CACNA1H: variants seen among roughly 807,000 people sequenced by gnomAD.
CACNA1H encodes calcium voltage-gated channel subunit alpha1 H.
A neutral mutation model predicts 192.5 loss-of-function variants in CACNA1H; 149 were observed. That is an observed-to-expected ratio of 0.77 (90% CI 0.68 to 0.89). The LOEUF is 0.89. CACNA1H is among the 40% of genes least tolerant of loss of function. The probability of loss-of-function intolerance (pLI) is 0.00; values close to 1 mark genes in which losing one functional copy is unlikely to be tolerated. For missense variants in CACNA1H, 4,257 were observed against 3,423.5 expected, an observed-to-expected ratio of 1.24 and a Z score of -6.08; for synonymous variants, 2,202 against 1,475.2, an observed-to-expected ratio of 1.49 and a Z score of -11.29.
At chr16:1,205,471 C>T (rs566308471) in intron 11 of CACNA1H, among the ~76,000 whole-genome samples, 45 of 152,200 alleles carry the variant, frequency 3.0e-4, no homozygotes, top group Non-Finnish European at 4.9e-4. Flanking sequence ...CTATGCTTCC[C>T]TGCAGGCACT....
chr16:1,184,566 C>T (rs947954579), intron 2 of CACNA1H, among the ~76,000 whole-genome samples: 8 of 152,280 alleles, frequency 5.3e-5, no homozygotes. Context: ...GCATCCCTGC[C>T]CTCTCGTAGG....
intron 22 of CACNA1H, 32 bp downstream of exon 22, chr16:1,211,326 C>G (rs773753823): frequency 2.0e-5 from 33 of 1,611,960 alleles, no homozygotes; most frequent in Admixed American, 3.3e-5. Flanking sequence ...GGGGGTCTGC[C>G]CCGTCGCAGA....
At chr16:1,170,026 G>T (rs974559201) in intron 2 of CACNA1H, among the ~76,000 whole-genome samples, 1 of 152,212 alleles carries the variant, frequency 6.6e-6, no homozygotes, top group Non-Finnish European at 1.5e-5. Flanking sequence ...CTCAAGTCCC[G>T]GTGGGAAGAG....
intron 2 of CACNA1H, among the ~76,000 whole-genome samples, chr16:1,184,680 C>T (rs992873424): frequency 5.3e-5 from 8 of 152,308 alleles, no homozygotes; most frequent in African/African-American, 1.2e-4. Flanking sequence ...TTCTGCTCAG[C>T]GAGAGTGGAG....
At chr16:1,197,398 C>T (rs1350029398) in intron 5 of CACNA1H, among the ~76,000 whole-genome samples, 1 of 152,222 alleles carries the variant, frequency 6.6e-6, no homozygotes. Flanking sequence ...GCACACACAG[C>T]CCCTTCCTTC....
Position 1,207,254 on chromosome 16 carries a change from AG to A in CACNA1H, c.2908-19del, listed in dbSNP as rs1241141394. On this transcript the variant is annotated intron_variant, in intron 13 of 34. Transcript: ENST00000348261. ...ATTTCGGGGCTGGGGTGACCACCCC[AG>A]GCCCCCTGCTATCCCCCAGATCCTG... 3.8e-6 allele frequency: 6 copies of A among 1,592,490 alleles called. No homozygotes were observed. The highest frequency in any genetic ancestry group is 5.1e-6 in the Non-Finnish European group (6 of 1,168,130).
At position 1,211,921 on chromosome 16, in the gene CACNA1H, G is replaced by T. The variant is rs59377607; in HGVS notation, c.4567-25G>T. ...GGGCCCCTGGCGGGGCAGGCGGGCG[G>T]GGACCCACCGCCTCTGTGCCACAGC... On this transcript the variant is annotated intron_variant, in intron 24 of 34. Transcript: ENST00000348261. 4.0e-4 allele frequency: 640 copies of T among 1,612,228 alleles called. 4 individuals carry two copies. The African/African-American group carries it at 7.3e-3, about 18-fold the overall frequency.
intron 2 of CACNA1H, among the ~76,000 whole-genome samples, chr16:1,165,492 C>T (rs912954642): frequency 6.6e-6 from 1 of 152,208 alleles, no homozygotes; most frequent in African/African-American, 2.4e-5. Flanking sequence ...CCGTCCTGCG[C>T]ACTCACAGCC....
chr16:1,169,085 G>A (rs1174213352), intron 2 of CACNA1H, among the ~76,000 whole-genome samples: 1 of 148,354 alleles, frequency 6.7e-6, no homozygotes, highest in South Asian at 2.1e-4. Flanking sequence ...GGGAGGAAAG[G>A]TTCTGGACTG....
At chr16:1,184,953 G>A (rs749771485) in intron 2 of CACNA1H, among the ~76,000 whole-genome samples, 7 of 152,144 alleles carry the variant, frequency 4.6e-5, no homozygotes, top group Non-Finnish European at 5.9e-5. Context: ...ACGGGTTAGC[G>A]ACCTTCGTGT....
chr16:1,210,350 A>AAC lies in CACNA1H; in HGVS notation c.3846-20_3846-19insAC. 9.2e-5 allele frequency: 29 copies of AAC among 313,908 alleles called. No individual in the cohort carries two copies. Among genetic ancestry groups the AAC allele is most frequent in the Non-Finnish European group, 1.3e-4 (28 of 215,928 alleles). The allele number at this position is 313,908 out of a possible 1,614,324, so 19.4% of individuals were successfully genotyped here. A position where few individuals can be genotyped will look rare whatever the true frequency, so the allele number is the denominator to read the frequency against. ...TCCACGCCGCCCCGCCCCACCTCTC[A>AAC]CCCGCCCCCGCCCACCCAGGTTCCG... On this transcript the variant is annotated intron_variant, in intron 18 of 34. Coordinates refer to ENST00000348261, the MANE Select transcript of CACNA1H (RefSeq NM_021098.3).
rs1418002870 is a variant in CACNA1H at position 1,204,039 on chromosome 16, G to A, written c.2032G>A (p.Gly678Ser). Reference sequence around the variant, plus strand: ...GGGCCAGGCCCCTGGCCATCTGTCGGGCCTCAGTGTGCCCTGCCCCCTGCC... The same window carrying A: ...GGGCCAGGCCCCTGGCCATCTGTCGAGCCTCAGTGTGCCCTGCCCCCTGCC... ...GLGQAPGHLS[G>S]LSVPCPLPSP... Residue 678 changes from glycine to serine, a missense_variant, in exon 10 of 35, where the codon GGC becomes AGC. Physicochemically the swap from Gly to Ser is moderately conservative, Grantham distance 56. Transcript: ENST00000348261. 1 of 1,574,382 alleles carries A rather than the reference G, an allele frequency of 6.4e-7. No homozygotes were observed. The highest frequency in any genetic ancestry group is 1.2e-5 in the South Asian group (1 of 86,370).
At chr16:1,216,535 G>A (rs1970041403) in intron 30 of CACNA1H, among the ~76,000 whole-genome samples, 1 of 152,252 alleles carries the variant, frequency 6.6e-6, no homozygotes, top group Admixed American at 6.5e-5. Context: ...GCCCCGCCAT[G>A]GGATCTCTGA....
intron 9 of CACNA1H, 54 bp downstream of exon 9, chr16:1,202,506 G>T (rs1172496832): frequency 1.4e-6 from 2 of 1,418,244 alleles, no homozygotes; most frequent in African/African-American, 1.4e-5. Context: ...GGCAGGGCGG[G>T]CAGGGTCTCC....
intron 6 of CACNA1H, among the ~76,000 whole-genome samples, 166 bp from the exon 7 acceptor site, chr16:1,200,090 A>G (rs139652798): frequency 1.5e-3 from 221 of 151,938 alleles, no homozygotes; most frequent in Middle Eastern, 3.4e-3. Context: ...CAGTCCTATC[A>G]TGCCCCCTGA....
intron 2 of CACNA1H, among the ~76,000 whole-genome samples, chr16:1,156,334 T>C (rs1271056870): frequency 6.6e-6 from 1 of 152,120 alleles, no homozygotes; most frequent in Non-Finnish European, 1.5e-5. Context: ...CCCGGCTGCA[T>C]GGGGGTGGGT....
At position 1,202,383 on chromosome 16, in the gene CACNA1H, G is replaced by C. The variant is rs566589497; in HGVS notation, c.1933G>C (p.Gly645Arg). 1.2e-5 allele frequency: 19 copies of C among 1,551,418 alleles called. No homozygotes were observed. Among genetic ancestry groups the C allele is most frequent in the Non-Finnish European group, 1.7e-5 (19 of 1,149,256 alleles). Residue 645 changes from glycine to arginine, a missense_variant, in exon 9 of 35, where the codon GGG becomes CGG. By Grantham distance (125) the Gly-to-Arg change is moderately radical (BLOSUM62 -2). Transcript: ENST00000348261. Reference sequence around the variant, plus strand: ...GGCCGGTGGACCGCCAGGCACCGGGGGGCACGGCCCGTTGAGCTTGAACAG... The same window carrying C: ...GGCCGGTGGACCGCCAGGCACCGGGCGGCACGGCCCGTTGAGCTTGAACAG... Reference protein sequence around the residue: ...KWAGGPPGTGGHGPLSLNSPD... With the variant: ...KWAGGPPGTGRHGPLSLNSPD...
intron 2 of CACNA1H, among the ~76,000 whole-genome samples, chr16:1,191,851 C>T (rs950036967): frequency 5.4e-5 from 8 of 147,606 alleles, no homozygotes; most frequent in Non-Finnish European, 1.2e-4. Context: ...TGTGTGGCCT[C>T]AGGCACACTC....
chr16:1,192,968 C>T (rs888003249), intron 2 of CACNA1H, among the ~76,000 whole-genome samples: 4 of 152,020 alleles, frequency 2.6e-5, no homozygotes, highest in African/African-American at 4.8e-5. Context: ...GTCCCACCAC[C>T]CCCCATTGGG....
Sources: gnomAD v4.1 joint callset for allele counts (sites outside exome capture counted in the v4.1 genomes callset) on GRCh38, gnomAD v4.1.1 for gene constraint, MANE v1.5 for transcripts, NCBI Gene and HGNC (gene_info 2026-07-23, HGNC 2026-07-21) for gene names.